The following PTPN4 variants were observed in gnomAD, a reference collection of about 807,000 sequenced individuals.
PTPN4 encodes tyrosine-protein phosphatase non-receptor type 4.
A neutral mutation model predicts 135.5 loss-of-function variants in PTPN4; 49 were observed. That is an observed-to-expected ratio of 0.36 (90% CI 0.29 to 0.46). PTPN4 has a LOEUF of 0.46. Among genes scored for constraint, PTPN4 ranks in the 20% least tolerant of loss-of-function variants. PTPN4 has a pLI of 1.00. For missense variants in PTPN4, 860 were observed against 1,101.0 expected (o/e 0.78, Z 3.10); for synonymous variants, 333 against 369.9 (o/e 0.90, Z 1.14).
chr2:119,784,685 C>T (rs1018239596), intron 1 of PTPN4, among the ~76,000 whole-genome samples: 2 of 149,524 alleles, frequency 1.3e-5, no homozygotes, highest in Non-Finnish European at 3.0e-5. Flanking sequence ...CTGCGCCCAG[C>T]TGCCCAGCTA....
rs1265389128 is a variant in PTPN4, at chr2:119,769,207, TTG to T, written c.-18+8829_-18+8830del. Among the ~76,000 whole-genome samples the T allele has an allele frequency of 2.6e-5, 4 of 152,164 alleles. No individual in the cohort carries two copies. In the East Asian group the frequency reaches 7.7e-4, roughly 29 times the overall value. On this transcript the variant is annotated intron_variant, in intron 1 of 26. Transcript: ENST00000263708. ...GAAAGGTTGTGAGAGAGGAGTGTGGTTGTGTGTTAGATGATGGTGAAGTAAGG... is the reference window on the plus strand; with the variant it reads ...GAAAGGTTGTGAGAGAGGAGTGTGGTTGTGTTAGATGATGGTGAAGTAAGG...
At chr2:119,959,519 T>C (rs1011698216) in intron 22 of PTPN4, among the ~76,000 whole-genome samples, 30 of 152,196 alleles carry the variant, frequency 2.0e-4, no homozygotes, top group Non-Finnish European at 1.2e-4. Flanking sequence ...AGCTGGAGGA[T>C]AGCTTCAGCC....
chr2:119,878,689 C>CT (rs74600465), intron 5 of PTPN4, among the ~76,000 whole-genome samples: 23,975 of 129,742 alleles, frequency 0.18, 2,584 homozygotes, highest in African/African-American at 0.29. Flanking sequence ...GCAGGTGTTC[C>CT]TTTTTTTTTT....
chr2:119,848,656 A>G (rs1033784518), intron 2 of PTPN4, among the ~76,000 whole-genome samples: 1 of 152,076 alleles, frequency 6.6e-6, no homozygotes, highest in Non-Finnish European at 1.5e-5. Context: ...GCTGGATTGC[A>G]GTGATGCAAT....
intron 2 of PTPN4, among the ~76,000 whole-genome samples, chr2:119,850,944 AT>A (rs1349041192): frequency 1.3e-5 from 2 of 152,068 alleles, no homozygotes; most frequent in African/African-American, 4.8e-5. Flanking sequence ...TACTATTAAT[AT>A]TTTTTGAGGA....
rs142101314 is a variant in PTPN4, at chr2:119,936,421, G to A, written c.1355+1463G>A. 2.8e-3 allele frequency among the ~76,000 whole-genome samples: 434 copies of A among 152,316 alleles called. 2 individuals carry two copies. Among genetic ancestry groups the A allele is most frequent in the Middle Eastern group, 0.017 (5 of 294 alleles). On this transcript the variant is annotated intron_variant, in intron 15 of 26. Transcript: ENST00000263708. ...TCTCCAGGTGTCAAGGGCAGGACCAGGTAAAGGTAGTTGAATCATGGGGGT... is the reference window on the plus strand; with the variant it reads ...TCTCCAGGTGTCAAGGGCAGGACCAAGTAAAGGTAGTTGAATCATGGGGGT...
Position 119,882,569 on chromosome 2 carries a change from C to A in PTPN4, c.533C>A (p.Pro178His). Reference protein sequence around the residue: ...SGYLSDYSFIPNQPQDFEKEI... With the variant: ...SGYLSDYSFIHNQPQDFEKEI... The stretch of plus-strand genomic sequence containing the variant: ...TACCTCTCAGATTATTCTTTCATTC[C>A]TAATCAACCTCAAGATTTTGAAAAA... Residue 178 changes from proline (P) to histidine (H), a missense_variant, in exon 8 of 27, where the codon CCT becomes CAT. Physicochemically the swap from Pro to His is moderately conservative, Grantham distance 77. This residue lies in a region of PTPN4 where 684 missense variants were observed against 807.0 expected (regional missense o/e 0.85). Coordinates refer to ENST00000263708, the MANE Select transcript of PTPN4 (RefSeq NM_002830.4). The A allele has an allele frequency of 6.4e-7, 1 of 1,558,754 alleles. No individual in the cohort carries two copies. Among genetic ancestry groups the A allele is most frequent in the East Asian group, 2.3e-5 (1 of 43,586 alleles).
At chr2:119,835,375 G>A (rs540075330) in intron 2 of PTPN4, among the ~76,000 whole-genome samples, 31 of 152,184 alleles carry the variant, frequency 2.0e-4, no homozygotes, top group African/African-American at 7.2e-4. Context: ...ACTAGAGATG[G>A]GGTTTTACCA....
intron 1 of PTPN4, among the ~76,000 whole-genome samples, chr2:119,766,895 C>G (rs1388964432): frequency 6.6e-6 from 1 of 152,146 alleles, no homozygotes; most frequent in Non-Finnish European, 1.5e-5. Context: ...TCTTTGGCAG[C>G]TTCCCTTCTT....
intron 2 of PTPN4, among the ~76,000 whole-genome samples, chr2:119,818,923 C>A (rs1574350662): frequency 6.6e-6 from 1 of 152,196 alleles, no homozygotes. Flanking sequence ...AACTGCACAA[C>A]CTCTGAAATC....
chr2:119,966,557 C>G (rs1446080387), intron 25 of PTPN4, among the ~76,000 whole-genome samples: 5 of 152,184 alleles, frequency 3.3e-5, no homozygotes, highest in Admixed American at 3.3e-4. Flanking sequence ...CGCGCCTCAC[C>G]GGTTCCACCT....
chr2:119,963,857 T>G (rs1415235573), intron 24 of PTPN4, among the ~76,000 whole-genome samples: 1 of 152,186 alleles, frequency 6.6e-6, no homozygotes, highest in African/African-American at 2.4e-5. Flanking sequence ...AATGTCTATC[T>G]TTAGCATAGT....
chr2:119,848,850 C>G (rs1025233173), intron 2 of PTPN4, among the ~76,000 whole-genome samples: 3 of 152,114 alleles, frequency 2.0e-5, no homozygotes. Flanking sequence ...CCACCCACCT[C>G]GGCCTCCCAA....
At chr2:119,897,382 G>A (rs1318199425) in intron 9 of PTPN4, among the ~76,000 whole-genome samples, 3 of 152,068 alleles carry the variant, frequency 2.0e-5, no homozygotes, top group Admixed American at 2.0e-4. Flanking sequence ...TCTCAGTGTG[G>A]GTGCTAAGGA....
At chr2:119,765,914 C>CTGTGTG (rs61700411) in intron 1 of PTPN4, among the ~76,000 whole-genome samples, 3,700 of 150,324 alleles carry the variant, frequency 0.025, 84 homozygotes, top group Middle Eastern at 0.069. Flanking sequence ...GTGTGTGAAT[C>CTGTGTG]TGTGTGTGTG....
At chr2:119,932,400 ATAT>A in intron 13 of PTPN4, 21 bp from the exon 14 acceptor site, 1 of 1,546,376 alleles carries the variant, frequency 6.5e-7, no homozygotes, top group Non-Finnish European at 8.7e-7. Context: ...AACTTTTAAC[ATAT>A]TATTTAATTT....
chr2:119,890,583 G>A (rs1678226305), intron 9 of PTPN4, among the ~76,000 whole-genome samples: 1 of 151,966 alleles, frequency 6.6e-6, no homozygotes, highest in Non-Finnish European at 1.5e-5. Flanking sequence ...TATGTATTCT[G>A]TGTTTCTTTC....
intron 1 of PTPN4, among the ~76,000 whole-genome samples, chr2:119,792,735 A>G (rs1691171884): frequency 6.6e-6 from 1 of 152,190 alleles, no homozygotes; most frequent in Admixed American, 6.5e-5. Flanking sequence ...CCTAAGTGTC[A>G]GCCGGTCTGA....
chr2:119,806,403 C>CA (rs935982926), intron 1 of PTPN4, among the ~76,000 whole-genome samples: 5 of 150,768 alleles, frequency 3.3e-5, no homozygotes, highest in South Asian at 2.1e-4. Flanking sequence ...AAATGGAAAG[C>CA]AAAAAAAAGC....
Sources: gnomAD v4.1 joint callset for allele counts (sites outside exome capture counted in the v4.1 genomes callset) on GRCh38, gnomAD v4.1.1 for gene constraint, gnomAD v4.1.1 regional missense constraint, MANE v1.5 for transcripts, NCBI Gene and HGNC (gene_info 2026-07-23, HGNC 2026-07-21) for gene names.